Variants in IRS4 observed in about 807,000 individuals in gnomAD.
IRS4 encodes 160 kDa phosphotyrosine protein.
In IRS4, 15 loss-of-function variants were observed where a neutral mutation model predicts 48.6. The observed-to-expected ratio is 0.31, with a 90% CI of 0.21 to 0.48. The LOEUF (loss-of-function observed/expected upper bound fraction) is 0.48. IRS4 is among the 20% of genes least tolerant of loss of function. The pLI, the probability that IRS4 is intolerant of heterozygous loss-of-function variation, is 0.99. For missense variants in IRS4, 987 were observed against 1,023.4 expected (o/e 0.96, Z 0.49); for synonymous variants, 459 against 413.2 (o/e 1.11, Z -1.34).
In IRS4 at chrX:108,732,958, G is replaced by A; in HGVS notation, c.3387C>T (p.Ala1129=). ...AGGCCGCAGCTACAACTTGGCTGAG[G>A]GCTAAAGTCGGCTCTGCAGCCGAAG... The part of the protein sequence containing the change: ...AVASAAEPTL[A]LSQVVAAASA... Residue 1129 remains alanine, a synonymous_variant, in exon 1 of 2, where the codon GCC becomes GCT. Transcript: ENST00000372129. 1 of 1,199,116 alleles carries A rather than the reference G, an allele frequency of 8.3e-7. No individual in the cohort carries two copies. Among genetic ancestry groups the A allele is most frequent in the Non-Finnish European group, 1.1e-6 (1 of 886,552 alleles).
Position 108,734,572 on chromosome X carries a change from G to GC in IRS4, c.1772dup (p.Lys592GlnfsTer12), listed in dbSNP as rs780982673. On this transcript the variant is annotated frameshift_variant, in exon 1 of 2. Coordinates refer to ENST00000372129, the MANE Select transcript of IRS4 (RefSeq NM_001379150.1). LOFTEE classifies it high-confidence loss of function. ...ATCCTTTCCCACTTCCTGAGCCTTT[G>GC]CCCCCCCCAGAGTTCTTGCCACCAC... 4.0e-5 allele frequency: 48 copies of GC among 1,206,463 alleles called. No individual in the cohort carries two copies. Among genetic ancestry groups the GC allele is most frequent in the African/African-American group, 3.5e-5 (2 of 56,502 alleles).
Position 108,736,173 on chromosome X carries a change from T to C in IRS4, c.172A>G (p.Thr58Ala). Residue 58 changes from threonine (T) to alanine (A), a missense_variant, in exon 1 of 2, where the codon ACG becomes GCG. Coordinates refer to ENST00000372129, the MANE Select transcript of IRS4 (RefSeq NM_001379150.1). ...GAGTCTGACCGGGAGCCAGTGGCCG[T>C]GGAGAGCCACATGGCTCCCGGACAA... ...SSCPGAMWLS[T>A]ATGSRSDSES... 1 of 1,209,793 alleles carries C rather than the reference T, an allele frequency of 8.3e-7. No individual in the cohort carries two copies. The highest frequency in any genetic ancestry group is 1.8e-5 in the South Asian group (1 of 56,951).
rs1449278949 is a variant in IRS4, at chrX:108,720,860, G to A, written c.*1659C>T. ...CACAATTTACAAGAGGGAAAAAAGA[G>A]CCCACCATCCCTTTGGTTGGTAGGC... On this transcript the variant is annotated 3_prime_UTR_variant, in exon 2 of 2. Transcript: ENST00000372129. 3 of 111,875 alleles carry A rather than the reference G, an allele frequency of 2.7e-5. No homozygotes were observed. Among genetic ancestry groups the A allele is most frequent in the African/African-American group, 9.7e-5 (3 of 30,772 alleles). 9.2% of individuals were successfully genotyped at this position (111,875 alleles called of 1,213,427 possible).
At chrX:108,726,230 A>G (rs984834242) in intron 1 of IRS4, 5 of 112,397 alleles carry the variant, frequency 4.4e-5, no homozygotes, top group Non-Finnish European at 7.5e-5. Context: ...AGATATGCCT[A>G]TATTTAACCT....
Position 108,721,114 on chromosome X carries a change from C to T in IRS4, c.*1405G>A, listed in dbSNP as rs983776670. The T allele has an allele frequency of 1.8e-5, 2 of 112,857 alleles. No individual in the cohort carries two copies. The highest frequency in any genetic ancestry group is 2.8e-4 in the East Asian group (1 of 3,618). 9.3% of individuals were successfully genotyped at this position (112,857 alleles called of 1,213,427 possible). A position where few individuals can be genotyped will look rare whatever the true frequency, so the allele number is the denominator to read the frequency against. ...ATCTACAATCACATGTACACAGGTACACAAAGTGTGCATACACACGAATAT... is the reference window on the plus strand; with the variant it reads ...ATCTACAATCACATGTACACAGGTATACAAAGTGTGCATACACACGAATAT... On this transcript the variant is annotated 3_prime_UTR_variant, in exon 2 of 2. Coordinates refer to ENST00000372129, the MANE Select transcript of IRS4 (RefSeq NM_001379150.1).
At chrX:108,722,617 A>G in intron 1 of IRS4, 94 bp from the exon 2 acceptor site, 1 of 274,268 alleles carries the variant, frequency 3.6e-6, no homozygotes, top group Admixed American at 4.3e-5. Flanking sequence ...ACACAAAACA[A>G]AACAAAATCT....
At position 108,735,668 on chromosome X, in the gene IRS4, G is replaced by A. The variant is rs776398131; in HGVS notation, c.677C>T (p.Ala226Val). 20 of 1,179,026 alleles carry A rather than the reference G, an allele frequency of 1.7e-5. No homozygotes were observed. The South Asian group carries it at 2.7e-4, about 16-fold the overall frequency. The change falls in exon 1 of 2, where the codon GCG becomes GTG. Residue 226 changes from alanine to valine, a missense_variant. Coordinates refer to ENST00000372129, the MANE Select transcript of IRS4 (RefSeq NM_001379150.1). ...CACATCTTTATAGAAGGGTGGCTCC[G>A]CCGCCGCTGCCGCCGCCAGCGCGGC... ...EPAALAAAAA[A>V]EPPFYKDVWQ...
Position 108,733,796 on chromosome X carries a change from T to A in IRS4, c.2549A>T (p.Asp850Val), listed in dbSNP as rs1410217681. The A allele has an allele frequency of 8.3e-7, 1 of 1,209,845 alleles. No individual in the cohort carries two copies. Among genetic ancestry groups the A allele is most frequent in the Non-Finnish European group, 1.1e-6 (1 of 895,179 alleles). Residue 850 changes from aspartate (D) to valine (V), a missense_variant, in exon 1 of 2, where the codon GAC (aspartate) becomes GTC (valine). Around this residue, in one of 4 missense-constraint regions of IRS4, gnomAD observed 720 missense variants for 660.3 expected, o/e 1.09. Transcript: ENST00000372129. ...GLDKEVSYNW[D>V]PKDAASKPSG... ...AGGCTTTGAAGCTGCATCTTTGGGGTCCCAGTTATAGGAGACTTCTTTGTC... is the reference window on the plus strand; with the variant it reads ...AGGCTTTGAAGCTGCATCTTTGGGGACCCAGTTATAGGAGACTTCTTTGTC...
At chrX:108,729,033 A>T (rs777392101) in intron 1 of IRS4, among the ~76,000 whole-genome samples, 21 of 112,061 alleles carry the variant, frequency 1.9e-4, no homozygotes, top group Non-Finnish European at 3.8e-4. Flanking sequence ...TTGTTAGAGG[A>T]CAAATACCTC....
chrX:108,734,530 TTCACCA>T lies in IRS4; in HGVS notation c.1809_1814del (p.Asp603_Gly604del), dbSNP rs1389648162. 8.3e-7 allele frequency: 1 copy of T among 1,211,497 alleles called. No individual in the cohort carries two copies. Among genetic ancestry groups the T allele is most frequent in the Admixed American group, 2.2e-5 (1 of 46,033 alleles). On this transcript the variant is annotated inframe_deletion, in exon 1 of 2. Transcript: ENST00000372129. The stretch of plus-strand genomic sequence containing the variant: ...ATCTTTTCTTCAGAGATTTTCCACG[TTCACCA>T]TCACCATCGGATCCTTTCCCACTTC...
intron 1 of IRS4, among the ~76,000 whole-genome samples, chrX:108,729,839 T>C (rs1224436006): frequency 8.9e-6 from 1 of 112,179 alleles, no homozygotes; most frequent in African/African-American, 3.2e-5. Flanking sequence ...TAAAGTATTT[T>C]AAATGCAAGT....
chrX:108,735,842 A>G lies in IRS4; in HGVS notation c.503T>C (p.Ile168Thr). The G allele has an allele frequency of 8.3e-7, 1 of 1,208,953 alleles. No individual in the cohort carries two copies. Among genetic ancestry groups the G allele is most frequent in the Non-Finnish European group, 1.1e-6 (1 of 894,208 alleles). The change falls in exon 1 of 2, where the codon ATT (isoleucine) becomes ACT (threonine). Residue 168 changes from isoleucine (I) to threonine (T), a missense_variant. By Grantham distance (89) the Ile-to-Thr change is moderately conservative. Around this residue, in one of 4 missense-constraint regions of IRS4, gnomAD observed 173 missense variants for 208.9 expected, o/e 0.83. Coordinates refer to ENST00000372129, the MANE Select transcript of IRS4 (RefSeq NM_001379150.1). ...QRADARYRHL[I>T]ALFTQDEYFA... ...GTATTCGTCTTGGGTGAAAAGAGCA[A>G]TGAGGTGTCGGTACCTTGCATCTGC...
chrX:108,735,305 A>C lies in IRS4; in HGVS notation c.1040T>G (p.Ile347Ser), dbSNP rs756803218. The change falls in exon 1 of 2, where the codon ATC becomes AGC. Residue 347 changes from isoleucine to serine, a missense_variant. By Grantham distance (142) the Ile-to-Ser change is moderately radical (BLOSUM62 -2). This residue lies in a region of IRS4 where 74 missense variants were observed against 100.4 expected (regional missense o/e 0.74). Transcript: ENST00000372129. ...CAGCAGGGTTAACAGGTGGGCGCCGATGCTGATGCTGTAGCTGCGGCAGCG... is the reference window on the plus strand; with the variant it reads ...CAGCAGGGTTAACAGGTGGGCGCCGCTGCTGATGCTGTAGCTGCGGCAGCG... ...RARCRSYSIS[I>S]GAHLLTLLSA... is the part of the protein sequence containing the mutation. The C allele has an allele frequency of 2.5e-6, 3 of 1,211,456 alleles. No individual in the cohort carries two copies. Among genetic ancestry groups the C allele is most frequent in the Non-Finnish European group, 3.4e-6 (3 of 895,447 alleles).
In IRS4 at chrX:108,735,983, C is replaced by T. The variant is rs766259802; in HGVS notation, c.362G>A (p.Ser121Asn). Residue 121 changes from serine to asparagine, a missense_variant, in exon 1 of 2, where the codon AGT becomes AAT. Ser to Asn is a conservative substitution (Grantham distance 46). This residue lies in a region of IRS4 where 173 missense variants were observed against 208.9 expected (regional missense o/e 0.83). Coordinates refer to ENST00000372129, the MANE Select transcript of IRS4 (RefSeq NM_001379150.1). Reference sequence around the variant, plus strand: ...TGCTGCAGCCGCCGCGGCGCGGACACTGTGCCGGAACTTCCTGGCATTTTC... The same window carrying T: ...TGCTGCAGCCGCCGCGGCGCGGACATTGTGCCGGAACTTCCTGGCATTTTC... ...YYENARKFRH[S>N]VRAAAAAAAA... 1.7e-6 allele frequency: 2 copies of T among 1,209,734 alleles called. No homozygotes were observed. Among genetic ancestry groups the T allele is most frequent in the Admixed American group, 4.3e-5 (2 of 46,086 alleles).
In IRS4 at chrX:108,734,010, AGTCACTCTCACT is replaced by A. The variant is rs1163313401; in HGVS notation, c.2323_2334del (p.Ser775_Asp778del). ...CCGGCTCCAGGAGCCATAAACATGTAGTCACTCTCACTGTCATTGTCCTTTGAGTCATCCTCT... is the reference window on the plus strand; with the variant it reads ...CCGGCTCCAGGAGCCATAAACATGTAGTCATTGTCCTTTGAGTCATCCTCT... On this transcript the variant is annotated inframe_deletion, in exon 1 of 2. Transcript: ENST00000372129. 2.0e-5 allele frequency: 24 copies of A among 1,211,398 alleles called. No homozygotes were observed. The highest frequency in any genetic ancestry group is 2.7e-5 in the Non-Finnish European group (24 of 895,255).
rs374673327 is a variant in IRS4 at position 108,736,234 on chromosome X, C to G, written c.111G>C (p.Ser37=). ...AAVVTTPLLS[S]GTPTALIGTG... The stretch of plus-strand genomic sequence containing the variant: ...TCCCAATGAGTGCGGTCGGGGTTCC[C>G]GAGGAAAGAAGCGGGGTGGTCACCA... The change falls in exon 1 of 2, where the codon TCG becomes TCC. Residue 37 remains serine, a synonymous_variant. Transcript: ENST00000372129. 12 of 1,210,939 alleles carry G rather than the reference C, an allele frequency of 9.9e-6. No homozygotes were observed. The highest frequency in any genetic ancestry group is 2.2e-5 in the Admixed American group (1 of 46,092).
intron 1 of IRS4, among the ~76,000 whole-genome samples, chrX:108,730,333 G>A (rs868311614): frequency 3.5e-5 from 1 of 28,902 alleles, no homozygotes. Context: ...CCCCACCCCC[G>A]CACCCCCCCG....
At position 108,733,425 on chromosome X, in the gene IRS4, C is replaced by G; in HGVS notation, c.2920G>C (p.Asp974His). Residue 974 changes from aspartate (D) to histidine (H), a missense_variant, in exon 1 of 2, where the codon GAC (aspartate) becomes CAC (histidine). By Grantham distance (81) the Asp-to-His change is moderately conservative. Transcript: ENST00000372129. ...ATAGCTCTTAAAAGATCTGAGAGGT[C>G]GTTTGCTGGATTTGGAAATGGCACT... Reference protein sequence around the residue: ...FGVPFPNPANDLSDLLRAIPR... With the variant: ...FGVPFPNPANHLSDLLRAIPR... The G allele has an allele frequency of 8.3e-7, 1 of 1,211,291 alleles. No homozygotes were observed. Among genetic ancestry groups the G allele is most frequent in the Non-Finnish European group, 1.1e-6 (1 of 895,368 alleles).
At chrX:108,728,813 AAAAG>A (rs1462398740) in intron 1 of IRS4, among the ~76,000 whole-genome samples, 1 of 111,968 alleles carries the variant, frequency 8.9e-6, no homozygotes, top group East Asian at 2.8e-4. Context: ...TAGGGAGAGA[AAAAG>A]AAAGTAAGAG....
Sources: allele counts gnomAD v4.1 joint callset (sites outside exome capture counted in the v4.1 genomes callset), GRCh38; gene constraint gnomAD v4.1.1; regional missense constraint gnomAD v4.1.1; transcripts MANE v1.5; gene names NCBI Gene and HGNC (gene_info 2026-07-23, HGNC 2026-07-21).